Variants in PLD1 observed in about 807,000 individuals in gnomAD.
PLD1 encodes the protein phospholipase D1.
A neutral mutation model predicts 137.1 loss-of-function variants in PLD1; 112 were observed. The ratio of observed to expected loss-of-function variants is 0.82; its 90% CI spans 0.70 to 0.96. The LOEUF (loss-of-function observed/expected upper bound fraction) is 0.96, where lower values mean the gene tolerates loss of function less well. PLD1 is among the 40% of genes least tolerant of loss of function. PLD1 has a pLI of 0.00. For synonymous variants in PLD1, 431 were observed against 454.7 expected (o/e 0.95, Z 0.66); for missense variants, 1,321 against 1,342.0 (o/e 0.98, Z 0.24).
chr3:171,727,657 C>G (rs527847221), intron 6 of PLD1, among the ~76,000 whole-genome samples: 1 of 152,232 alleles, frequency 6.6e-6, no homozygotes, highest in Non-Finnish European at 1.5e-5. Flanking sequence ...ACACTAGATA[C>G]ATGTGAAAGT....
At chr3:171,799,422 G>A (rs917161311) in intron 1 of PLD1, among the ~76,000 whole-genome samples, 2 of 147,998 alleles carry the variant, frequency 1.4e-5, no homozygotes, top group African/African-American at 5.0e-5. Context: ...AAGTGTTTCT[G>A]TGTTTGTGAA....
chr3:171,797,387 T>C (rs1026699540), intron 1 of PLD1, among the ~76,000 whole-genome samples: 2 of 152,234 alleles, frequency 1.3e-5, no homozygotes, highest in South Asian at 2.1e-4. Flanking sequence ...GACTCTCAAA[T>C]TGTAGTCCCC....
At chr3:171,753,232 C>A (rs573453462) in intron 1 of PLD1, among the ~76,000 whole-genome samples, 3 of 152,292 alleles carry the variant, frequency 2.0e-5, no homozygotes, top group African/African-American at 7.2e-5. Context: ...AACCGCTGCT[C>A]CTATGCATAG....
chr3:171,719,686 C>T (rs763691269), intron 8 of PLD1, among the ~76,000 whole-genome samples: 1 of 152,214 alleles, frequency 6.6e-6, no homozygotes, highest in Non-Finnish European at 1.5e-5. Flanking sequence ...GTCTATACAT[C>T]TCTTTTTCTT....
intron 24 of PLD1, among the ~76,000 whole-genome samples, chr3:171,616,009 C>A (rs999051917): frequency 2.0e-5 from 3 of 152,168 alleles, no homozygotes; most frequent in Middle Eastern, 3.2e-3. Context: ...ACTTAGATTG[C>A]CCAACTTTTA....
chr3:171,803,594 A>G (rs1056444286), intron 1 of PLD1, among the ~76,000 whole-genome samples: 2 of 152,202 alleles, frequency 1.3e-5, no homozygotes, highest in Non-Finnish European at 2.9e-5. Flanking sequence ...TAAGCCTGGC[A>G]TGGTGGTATG....
At chr3:171,699,203 A>T (rs1349452577) in intron 12 of PLD1, among the ~76,000 whole-genome samples, 1 of 152,178 alleles carries the variant, frequency 6.6e-6, no homozygotes, top group Non-Finnish European at 1.5e-5. Context: ...GCACACATTC[A>T]ATGTTCACCC....
chr3:171,733,449 C>T lies in PLD1; in HGVS notation c.601G>A (p.Ala201Thr), dbSNP rs377512926. The T allele has an allele frequency of 5.9e-5, 74 of 1,245,760 alleles. No individual in the cohort carries two copies. The East Asian group carries it at 1.3e-3, about 22-fold the overall frequency. 77.2% of individuals were successfully genotyped at this position (1,245,760 alleles called of 1,614,324 possible). Residue 201 changes from alanine (A) to threonine (T), a missense_variant, in exon 6 of 27, where the codon GCC becomes ACC. Ala to Thr is a moderately conservative substitution (Grantham distance 58, BLOSUM62 0). Transcript: ENST00000351298. ...AATCACTGACTAGTACTTACTGTGGCATGATAGTTTCTATACATGGGCATT... is the reference window on the plus strand; with the variant it reads ...AATCACTGACTAGTACTTACTGTGGTATGATAGTTTCTATACATGGGCATT... ...LKMPMYRNYH[A>T]TTEFLDISQL...
chr3:171,684,638 C>A (rs1350298633), intron 16 of PLD1, among the ~76,000 whole-genome samples: 1 of 152,128 alleles, frequency 6.6e-6, no homozygotes, highest in African/African-American at 2.4e-5. Context: ...CTCTGTCACC[C>A]AGGCTGGACT....
At chr3:171,745,782 G>A (rs561434934) in intron 1 of PLD1, among the ~76,000 whole-genome samples, 4 of 152,296 alleles carry the variant, frequency 2.6e-5, no homozygotes, top group East Asian at 3.9e-4. Context: ...TGGCGTCCAC[G>A]CTGGCTGCGC....
intron 25 of PLD1, among the ~76,000 whole-genome samples, chr3:171,608,501 G>A (rs1732389078): frequency 6.6e-6 from 1 of 152,134 alleles, no homozygotes; most frequent in Non-Finnish European, 1.5e-5. Context: ...TGAAGAAGTG[G>A]TATGGCAAAA....
intron 6 of PLD1, 98 bp from the exon 7 acceptor site, chr3:171,726,174 T>G (rs1718490675): frequency 2.6e-6 from 2 of 764,038 alleles, no homozygotes; most frequent in Non-Finnish European, 4.7e-6. Flanking sequence ...ATATACTGTT[T>G]GGTGTGCTCC....
At chr3:171,603,352 C>A in intron 26 of PLD1, 50 bp from the exon 27 acceptor site, 2 of 1,272,508 alleles carry the variant, frequency 1.6e-6, no homozygotes, top group Non-Finnish European at 2.3e-6. Flanking sequence ...AAAGCGAGCA[C>A]ATGGCCTTTA....
intron 23 of PLD1, among the ~76,000 whole-genome samples, chr3:171,621,709 T>G (rs184489845): frequency 1.3e-5 from 2 of 152,192 alleles, no homozygotes; most frequent in African/African-American, 4.8e-5. Flanking sequence ...GTGTAAGAGA[T>G]GCATTTCTAA....
chr3:171,803,491 C>A (rs1299321787), intron 1 of PLD1, among the ~76,000 whole-genome samples: 1 of 152,066 alleles, frequency 6.6e-6, no homozygotes. Flanking sequence ...TGTAAATATT[C>A]CTGGAAGGCC....
chr3:171,738,006 T>G lies in PLD1; in HGVS notation c.46A>C (p.Lys16Gln). 1 of 1,614,046 alleles carries G rather than the reference T, an allele frequency of 6.2e-7. No homozygotes were observed. Among genetic ancestry groups the G allele is most frequent in the Non-Finnish European group, 8.5e-7 (1 of 1,179,898 alleles). ...EPRVNTSALQ[K>Q]IAADMSNIIE... The stretch of plus-strand genomic sequence containing the variant: ...ATATTACTCATGTCAGCAGCAATTT[T>G]CTGCAGTGCAGAGGTATTTACCCGT... Residue 16 changes from lysine to glutamine, a missense_variant, in exon 2 of 27, where the codon AAA (lysine) becomes CAA (glutamine). By Grantham distance (53) the Lys-to-Gln change is moderately conservative. Coordinates refer to ENST00000351298, the MANE Select transcript of PLD1 (RefSeq NM_002662.5).
intron 23 of PLD1, among the ~76,000 whole-genome samples, chr3:171,633,021 C>T (rs1734805439): frequency 6.6e-6 from 1 of 152,172 alleles, no homozygotes; most frequent in African/African-American, 2.4e-5. Flanking sequence ...ACAGTTGGTT[C>T]CAGTAACATG....
intron 1 of PLD1, among the ~76,000 whole-genome samples, chr3:171,746,039 C>T (rs950446408): frequency 2.6e-5 from 4 of 152,294 alleles, no homozygotes; most frequent in East Asian, 3.9e-4. Context: ...CAAGCAGTTG[C>T]GGAGGGTACG....
At chr3:171,731,025 T>TAAGTTG (rs72403807) in intron 6 of PLD1, among the ~76,000 whole-genome samples, 5 of 64,402 alleles carry the variant, frequency 7.8e-5, no homozygotes, top group Non-Finnish European at 1.5e-4. Flanking sequence ...AAACTCCTGA[T>TAAGTTG]GATAAGAATC....
Sources: allele counts gnomAD v4.1 joint callset (sites outside exome capture counted in the v4.1 genomes callset), GRCh38; gene constraint gnomAD v4.1.1; transcripts MANE v1.5; gene names NCBI Gene and HGNC (gene_info 2026-07-23, HGNC 2026-07-21).